Variants in PTK2 observed in about 807,000 individuals in gnomAD.
PTK2 encodes focal adhesion kinase 1.
A neutral mutation model predicts 150.1 loss-of-function variants in PTK2; 45 were observed. That is an observed-to-expected ratio of 0.30 (90% confidence interval 0.24 to 0.38). The LOEUF is 0.38. PTK2 is among the 10% of genes least tolerant of loss of function. PTK2 has a pLI of 1.00. For missense variants in PTK2, 919 were observed against 1,307.3 expected, an observed-to-expected ratio of 0.70 and a Z score of 4.58; for synonymous variants, 432 against 449.2, an observed-to-expected ratio of 0.96 and a Z score of 0.48.
intron 4 of PTK2, among the ~76,000 whole-genome samples, chr8:140,877,360 C>G (rs1568007522): frequency 6.6e-6 from 1 of 152,076 alleles, no homozygotes; most frequent in Non-Finnish European, 1.5e-5. Flanking sequence ...AAAAGCCTAG[C>G]TACATTTTCA....
At chr8:140,694,897 G>T (rs11785444) in intron 26 of PTK2, among the ~76,000 whole-genome samples, 1 of 152,052 alleles carries the variant, frequency 6.6e-6, no homozygotes, top group Admixed American at 6.5e-5. Flanking sequence ...TTCTACAACC[G>T]ACACACACTA....
chr8:140,843,119 G>C (rs1293069579), intron 7 of PTK2, among the ~76,000 whole-genome samples: 1 of 152,064 alleles, frequency 6.6e-6, no homozygotes, highest in Admixed American at 6.5e-5. Context: ...CTGATCATCT[G>C]AAGTTCTGTA....
exon 4 of PTK2, chr8:140,879,495 A>T (rs1228582279): frequency 6.2e-7 from 1 of 1,613,428 alleles, no homozygotes. Flanking sequence ...TGGGTGAGCA[A>T]GCTCATACTT....
intron 22 of PTK2, among the ~76,000 whole-genome samples, chr8:140,731,413 A>G (rs1667373112): frequency 6.6e-6 from 1 of 152,176 alleles, no homozygotes; most frequent in Admixed American, 6.6e-5. Flanking sequence ...ATAATAGGCC[A>G]CTGGCAGGTT....
At chr8:140,668,405 C>A in exon 30 of PTK2, 1 of 1,612,086 alleles carries the variant, frequency 6.2e-7, no homozygotes, top group Non-Finnish European at 8.5e-7. Context: ...AGGAGGGGGG[C>A]TGATTTCCTG....
chr8:140,969,424 A>C (rs2100186451), intron 1 of PTK2, among the ~76,000 whole-genome samples: 2 of 151,566 alleles, frequency 1.3e-5, no homozygotes, highest in South Asian at 4.1e-4. Flanking sequence ...TCTTCCCTTT[A>C]TCTCACCTCT....
chr8:140,749,257 T>C (rs951762027), intron 17 of PTK2, among the ~76,000 whole-genome samples: 3 of 152,236 alleles, frequency 2.0e-5, no homozygotes, highest in African/African-American at 4.8e-5. Flanking sequence ...TCATTGCTTA[T>C]ACCATGATAT....
intron 14 of PTK2, chr8:140,765,256 G>GACAC (rs1217820155): frequency 3.9e-5 from 6 of 152,118 alleles, no homozygotes; most frequent in African/African-American, 1.4e-4. Flanking sequence ...TAGCATCCTT[G>GACAC]TTTAACACCA....
chr8:140,866,516 A>G (rs2100139392), intron 4 of PTK2, among the ~76,000 whole-genome samples: 2 of 152,238 alleles, frequency 1.3e-5, no homozygotes, highest in South Asian at 4.1e-4. Context: ...AATTTGGGCC[A>G]TGCCACTTAT....
chr8:140,954,996 T>C (rs2100180762), intron 1 of PTK2, among the ~76,000 whole-genome samples: 1 of 152,198 alleles, frequency 6.6e-6, no homozygotes, highest in Non-Finnish European at 1.5e-5. Context: ...AGGCCTGTCT[T>C]CAAACCCGTA....
At chr8:140,694,175 G>T (rs2100025005) in intron 26 of PTK2, among the ~76,000 whole-genome samples, 1 of 151,714 alleles carries the variant, frequency 6.6e-6, no homozygotes, top group African/African-American at 2.4e-5. Context: ...TGAGTAGCTG[G>T]GACTACAGGC....
chr8:140,919,151 T>C (rs746667450), intron 2 of PTK2, among the ~76,000 whole-genome samples: 10 of 152,192 alleles, frequency 6.6e-5, no homozygotes, highest in Non-Finnish European at 1.3e-4. Flanking sequence ...ACCATGTATA[T>C]GAGGAGATGG....
chr8:140,755,480 T>A (rs1413965536), intron 16 of PTK2, among the ~76,000 whole-genome samples: 1 of 152,216 alleles, frequency 6.6e-6, no homozygotes, highest in Non-Finnish European at 1.5e-5. Flanking sequence ...CTCATGGCCT[T>A]TGCACTGGCT....
rs189766481 is a variant in PTK2 at position 140,854,657 on chromosome 8, T to C, written c.451-7979A>G. 2.6e-5 allele frequency among the ~76,000 whole-genome samples: 4 copies of C among 152,218 alleles called. No homozygotes were observed. The East Asian group carries it at 7.7e-4, about 29-fold the overall frequency. On this transcript the variant is annotated intron_variant, in intron 5 of 31. Coordinates refer to ENST00000522684, the Ensembl canonical transcript of PTK2. ...GTGCTAATTAATATATTTCAGAATA[T>C]TCACAAATAGGTCAAAATATTTAGT...
At chr8:140,880,241 T>C (rs984258510) in intron 3 of PTK2, among the ~76,000 whole-genome samples, 2 of 152,232 alleles carry the variant, frequency 1.3e-5, no homozygotes, top group South Asian at 4.1e-4. Context: ...CAATCTTAAA[T>C]ACTCCCAAAT....
intron 14 of PTK2, 67 bp downstream of exon 15, chr8:140,770,649 G>T: frequency 1.3e-6 from 1 of 758,516 alleles, no homozygotes; most frequent in Non-Finnish European, 1.9e-6. Flanking sequence ...ATAAGCATCA[G>T]GTTAGAGTTA....
At chr8:140,742,895 C>T (rs1023156880) in intron 20 of PTK2, among the ~76,000 whole-genome samples, 6 of 152,110 alleles carry the variant, frequency 3.9e-5, no homozygotes, top group Non-Finnish European at 5.9e-5. Context: ...TTTTATGAAT[C>T]CTTGTTTCTG....
chr8:140,724,360 C>T (rs2100044608), intron 22 of PTK2, among the ~76,000 whole-genome samples: 1 of 152,078 alleles, frequency 6.6e-6, no homozygotes, highest in African/African-American at 2.4e-5. Context: ...GTGTTTTTGT[C>T]TTCATTTCTG....
chr8:140,997,970 C>T (rs1318768168), intron 1 of PTK2, among the ~76,000 whole-genome samples: 2 of 152,190 alleles, frequency 1.3e-5, no homozygotes, highest in Non-Finnish European at 2.9e-5. Context: ...CTTTTTTAGA[C>T]ATGTTACTGC....
Sources: gnomAD v4.1 joint callset for allele counts (sites outside exome capture counted in the v4.1 genomes callset) on GRCh38, gnomAD v4.1.1 for gene constraint, MANE v1.5 for transcripts, NCBI Gene and HGNC (gene_info 2026-07-23, HGNC 2026-07-21) for gene names.